The following DHRSX variants were observed in gnomAD, a reference collection of about 807,000 sequenced individuals.
DHRSX encodes the protein dehydrogenase/reductase X-linked.
A neutral mutation model predicts 34.0 loss-of-function variants in DHRSX; 31 were observed. That is an observed-to-expected ratio of 0.91 (90% confidence interval 0.69 to 1.23). DHRSX has a LOEUF of 1.23. DHRSX is among the 50% of genes most tolerant of loss of function. The probability of loss-of-function intolerance (pLI) is 0.00; values close to 1 mark genes in which losing one functional copy is unlikely to be tolerated. For missense variants in DHRSX, 414 were observed against 428.1 expected (o/e 0.97, Z 0.29); for synonymous variants, 201 against 183.8 (o/e 1.09, Z -0.76).
At chrX:2,254,137 G>T (rs762565887) in intron 5 of DHRSX, among the ~76,000 whole-genome samples, 7 of 152,184 alleles carry the variant, frequency 4.6e-5, no homozygotes, top group African/African-American at 1.7e-4. Flanking sequence ...TCATATCTCG[G>T]TCTCCCAACA....
intron 1 of DHRSX, among the ~76,000 whole-genome samples, chrX:2,429,800 C>A (rs952128884): frequency 1.3e-5 from 2 of 151,914 alleles, no homozygotes; most frequent in African/African-American, 4.8e-5. Flanking sequence ...ATAATTACAA[C>A]AGACACAAGA....
chrX:2,237,598 G>A (rs1465400680), intron 6 of DHRSX, among the ~76,000 whole-genome samples: 1 of 151,488 alleles, frequency 6.6e-6, no homozygotes, highest in Non-Finnish European at 1.5e-5. Context: ...TTCCGCCCCC[G>A]GGTTCAAGCG....
At chrX:2,258,523 G>T (rs1012282817) in intron 5 of DHRSX, among the ~76,000 whole-genome samples, 6 of 152,160 alleles carry the variant, frequency 3.9e-5, no homozygotes, top group African/African-American at 1.2e-4. Flanking sequence ...GGATGATCCT[G>T]TGAGGACACA....
At chrX:2,318,723 C>A (rs1347782974) in intron 3 of DHRSX, among the ~76,000 whole-genome samples, 2 of 152,028 alleles carry the variant, frequency 1.3e-5, no homozygotes, top group African/African-American at 4.8e-5. Context: ...TTGTTTCGCA[C>A]AGAATCAAGA....
intron 2 of DHRSX, among the ~76,000 whole-genome samples, chrX:2,413,776 C>T (rs909687924): frequency 6.6e-6 from 1 of 151,952 alleles, no homozygotes; most frequent in African/African-American, 2.4e-5. Flanking sequence ...ATACTCTAAC[C>T]CAACTAAATC....
chrX:2,313,061 G>T (rs1223048197), intron 3 of DHRSX, among the ~76,000 whole-genome samples: 1 of 151,188 alleles, frequency 6.6e-6, no homozygotes, highest in African/African-American at 2.4e-5. Flanking sequence ...GGAGTGCAGT[G>T]GCATGATCTT....
At chrX:2,285,896 G>C (rs968557137) in intron 4 of DHRSX, among the ~76,000 whole-genome samples, 1 of 152,070 alleles carries the variant, frequency 6.6e-6, no homozygotes, top group African/African-American at 2.4e-5. Context: ...CAGCACACCA[G>C]CTGGTGATGA....
At chrX:2,390,323 G>A (rs1426185474) in intron 3 of DHRSX, among the ~76,000 whole-genome samples, 3 of 150,054 alleles carry the variant, frequency 2.0e-5, no homozygotes, top group Non-Finnish European at 4.4e-5. Flanking sequence ...TGTATTTTTA[G>A]TAGGAGGTTT....
chrX:2,426,468 C>G (rs1424250336), intron 1 of DHRSX, among the ~76,000 whole-genome samples: 8 of 135,620 alleles, frequency 5.9e-5, no homozygotes. Flanking sequence ...CCTTCCCTCC[C>G]TCCTTCCTTC....
chrX:2,331,974 T>C (rs1372023750), intron 3 of DHRSX, among the ~76,000 whole-genome samples: 1 of 152,090 alleles, frequency 6.6e-6, no homozygotes, highest in African/African-American at 2.4e-5. Context: ...GCAATAAGGT[T>C]TTGACTCGCG....
chrX:2,424,750 A>G (rs1480392101), intron 2 of DHRSX, among the ~76,000 whole-genome samples: 1 of 152,208 alleles, frequency 6.6e-6, no homozygotes. Context: ...TATCACCTTC[A>G]TGAGCTTTCT....
intron 1 of DHRSX, among the ~76,000 whole-genome samples, chrX:2,473,339 C>T (rs67472926): frequency 0.2 from 31,010 of 151,524 alleles, 4,246 homozygotes; most frequent in African/African-American, 0.39. Flanking sequence ...GAATGAAAGG[C>T]GCCGCCAGGC....
At chrX:2,302,698 A>G (rs1447779863) in intron 3 of DHRSX, among the ~76,000 whole-genome samples, 1 of 152,110 alleles carries the variant, frequency 6.6e-6, no homozygotes, top group East Asian at 1.9e-4. Flanking sequence ...CACTCTGTGA[A>G]CTGTTACTGC....
chrX:2,284,385 T>C (rs1311030092), intron 4 of DHRSX, among the ~76,000 whole-genome samples: 1 of 147,140 alleles, frequency 6.8e-6, no homozygotes, highest in Non-Finnish European at 1.5e-5. Context: ...TTTGAATTCA[T>C]TCAAGTGAAT....
intron 5 of DHRSX, among the ~76,000 whole-genome samples, chrX:2,254,949 C>A (rs961476524): frequency 4.9e-5 from 7 of 144,024 alleles, no homozygotes; most frequent in African/African-American, 1.8e-4. Context: ...GCCCCACGCC[C>A]CCCCCCTTTT....
At chrX:2,498,641 A>AAATC (rs1009679794) in intron 1 of DHRSX, among the ~76,000 whole-genome samples, 2 of 151,742 alleles carry the variant, frequency 1.3e-5, no homozygotes, top group Non-Finnish European at 2.9e-5. Context: ...AAAAAAAAAA[A>AAATC]AAGATTCCAG....
intron 3 of DHRSX, among the ~76,000 whole-genome samples, chrX:2,328,116 A>G (rs1273307750): frequency 2.0e-5 from 3 of 151,258 alleles, no homozygotes; most frequent in Non-Finnish European, 4.4e-5. Context: ...ACACAGACAC[A>G]CAGAGTGACG....
chrX:2,458,646 G>A (rs1174550479), intron 1 of DHRSX, among the ~76,000 whole-genome samples: 1 of 150,676 alleles, frequency 6.6e-6, no homozygotes, highest in Admixed American at 6.6e-5. Flanking sequence ...AACGCAGAGA[G>A]TGCAATGGTG....
chrX:2,273,224 C>A (rs961417781), intron 4 of DHRSX, among the ~76,000 whole-genome samples: 1 of 151,234 alleles, frequency 6.6e-6, no homozygotes, highest in Non-Finnish European at 1.5e-5. Context: ...ATAAAATAAT[C>A]AAACAAAACA....
Sources: allele counts gnomAD v4.1 joint callset (sites outside exome capture counted in the v4.1 genomes callset), GRCh38; gene constraint gnomAD v4.1.1; transcripts MANE v1.5; gene names NCBI Gene and HGNC (gene_info 2026-07-23, HGNC 2026-07-21).